The following FTH1 variants were observed in gnomAD, a reference collection of about 807,000 sequenced individuals.
FTH1 encodes the protein ferritin heavy chain 1.
FTH1 carries 3 observed loss-of-function variants against 21.8 expected under a neutral mutation model. The observed-to-expected ratio is 0.14, with a 90% confidence interval of 0.06 to 0.36. The LOEUF is 0.36. FTH1 is among the 10% of genes least tolerant of loss of function. FTH1 has a pLI of 1.00. For synonymous variants in FTH1, 83 were observed against 90.1 expected, an observed-to-expected ratio of 0.92 and a Z score of 0.45; for missense variants, 147 against 225.8, an observed-to-expected ratio of 0.65 and a Z score of 2.24.
chr11:61,967,271 G>A, intron 1 of FTH1, 41 bp downstream of exon 1: 1 of 1,373,088 alleles, frequency 7.3e-7, no homozygotes, highest in Non-Finnish European at 9.9e-7. Flanking sequence ...CCCGGGAACC[G>A]CGCCCGGCCC....
chr11:61,965,607 C>A (rs766553821), intron 1 of FTH1, 92 bp from the exon 2 acceptor site: 1 of 1,413,828 alleles, frequency 7.1e-7, no homozygotes, highest in Non-Finnish European at 9.9e-7. Flanking sequence ...TCTCGTCAGC[C>A]TAGGCTTCCT....
At position 61,964,775 on chromosome 11, in the gene FTH1, T is replaced by C. The variant is rs749302345; in HGVS notation, c.504A>G (p.Glu168=). The change falls in exon 4 of 4, where the codon GAA becomes GAG. Residue 168 remains glutamate, a synonymous_variant. Transcript: ENST00000273550. ...CCAGGGTGTGCTTGTCAAAGAGATA[T>C]TCCGCCAAGCCAGATTCGGGCGCTC... ...KMGAPESGLA[E]YLFDKHTLGD... is the part of the protein sequence containing the mutation. 6.3e-7 allele frequency: 1 copy of C among 1,599,762 alleles called. No individual in the cohort carries two copies. The highest frequency in any genetic ancestry group is 2.2e-5 in the East Asian group (1 of 44,882).
At chr11:61,967,174 C>G (rs1942478970) in intron 1 of FTH1, 138 bp downstream of exon 1, 2 of 472,652 alleles carry the variant, frequency 4.2e-6, no homozygotes, top group Non-Finnish European at 7.4e-6. Context: ...TCCTCGGAAA[C>G]CTCGAGCAGC....
At chr11:61,966,580 T>C (rs1474660303) in intron 1 of FTH1, among the ~76,000 whole-genome samples, 3 of 152,162 alleles carry the variant, frequency 2.0e-5, no homozygotes, top group Non-Finnish European at 2.9e-5. Flanking sequence ...CACTGAAAAA[T>C]TTCTTGCCCA....
rs754761602 is a variant in FTH1, at chr11:61,964,914, G to A, written c.388-23C>T. The A allele has an allele frequency of 2.5e-6, 4 of 1,611,116 alleles. No homozygotes were observed. In the East Asian group the frequency reaches 6.7e-5, roughly 27 times the overall value. ...CAACTGCAAAACAATGGGGAAGACA[G>A]TTAGTGGGCAGCTTTCCCAATCCCT... On this transcript the variant is annotated intron_variant, in intron 3 of 3. Transcript: ENST00000273550.
rs561531161 is a variant in FTH1, at chr11:61,967,494, T to G, written c.-69A>C. ...GGCGCTGGAGCGGCGGCGGGGGCCT[T>G]GGGGCAGTCCGAGGGTGCGGTGAAG... On this transcript the variant is annotated 5_prime_UTR_variant, in exon 1 of 4. Transcript: ENST00000273550. 118 of 1,087,654 alleles carry G rather than the reference T, an allele frequency of 1.1e-4. No homozygotes were observed. In the African/African-American group the frequency reaches 1.7e-3, roughly 16 times the overall value. The allele number at this position is 1,087,654 out of a possible 1,614,324, so 67.4% of individuals were successfully genotyped here.
intron 2 of FTH1, 88 bp downstream of exon 2, chr11:61,965,281 T>C: frequency 2.5e-6 from 4 of 1,597,644 alleles, no homozygotes; most frequent in Non-Finnish European, 3.4e-6. Context: ...ATCATCACTT[T>C]ATAAGGGCAA....
At chr11:61,966,371 T>C (rs1480753556) in intron 1 of FTH1, among the ~76,000 whole-genome samples, 1 of 152,200 alleles carries the variant, frequency 6.6e-6, no homozygotes, top group Non-Finnish European at 1.5e-5. Context: ...ATCACAAAAA[T>C]TTGATTTTCA....
At chr11:61,965,168 C>T in intron 2 of FTH1, 56 bp from the exon 3 acceptor site, 1 of 1,602,068 alleles carries the variant, frequency 6.2e-7, no homozygotes, top group Non-Finnish European at 8.5e-7. Context: ...TCAGCAAGCC[C>T]ATCATCTCTA....
intron 1 of FTH1, among the ~76,000 whole-genome samples, chr11:61,965,756 C>A (rs1212874289): frequency 6.6e-6 from 1 of 152,126 alleles, no homozygotes; most frequent in Admixed American, 6.6e-5. Context: ...CTTCAAGGAA[C>A]CTTTAGGATA....
At chr11:61,965,704 T>A (rs568670997) in intron 1 of FTH1, 189 bp from the exon 2 acceptor site, 606 of 663,216 alleles carry the variant, frequency 9.1e-4, no homozygotes, top group Non-Finnish European at 1.5e-3. Context: ...GTAATGTTTC[T>A]ATTCTAAAAT....
chr11:61,965,712 A>G, intron 1 of FTH1, 197 bp from the exon 2 acceptor site: 1 of 655,176 alleles, frequency 1.5e-6, no homozygotes, highest in Non-Finnish European at 2.7e-6. Context: ...TCTATTCTAA[A>G]ATAGAAAACT....
rs1208418440 is a variant in FTH1, at chr11:61,967,417, G to A, written c.9C>T (p.Thr3=). ...TCTGGCGCACCTGCGAGGTGGACGCGGTCGTCATGGCGGCGACTAAGGAGA... is the reference window on the plus strand; with the variant it reads ...TCTGGCGCACCTGCGAGGTGGACGCAGTCGTCATGGCGGCGACTAAGGAGA... MT[T]ASTSQVRQNY... is the part of the protein sequence containing the mutation. The change falls in exon 1 of 4, where the codon ACC becomes ACT. Residue 3 remains threonine, a synonymous_variant. Transcript: ENST00000273550. The A allele has an allele frequency of 1.9e-6, 3 of 1,599,874 alleles. No homozygotes were observed. Among genetic ancestry groups the A allele is most frequent in the Non-Finnish European group, 2.6e-6 (3 of 1,175,216 alleles).
intron 1 of FTH1, among the ~76,000 whole-genome samples, chr11:61,966,330 G>A (rs1942461134): frequency 6.6e-6 from 1 of 152,204 alleles, no homozygotes; most frequent in South Asian, 2.1e-4. Context: ...TGGACAGTAT[G>A]TTGATGTAAA....
chr11:61,964,300 C>A lies in FTH1; in HGVS notation c.*427G>T. 1 of 1,210,258 alleles carries A rather than the reference C, an allele frequency of 8.3e-7. No individual in the cohort carries two copies. Among genetic ancestry groups the A allele is most frequent in the Non-Finnish European group, 1.1e-6 (1 of 879,672 alleles). The allele number at this position is 1,210,258 out of a possible 1,614,324, so 75.0% of individuals were successfully genotyped here. On this transcript the variant is annotated 3_prime_UTR_variant, in exon 4 of 4. Transcript: ENST00000273550. The stretch of plus-strand genomic sequence containing the variant: ...CCCAGACTACTTCAGCCTTTAATGC[C>A]TTTTATTCATAAAAACTGTGAAAGC...
At chr11:61,966,820 C>T (rs1942471456) in intron 1 of FTH1, among the ~76,000 whole-genome samples, 1 of 152,152 alleles carries the variant, frequency 6.6e-6, no homozygotes, top group Non-Finnish European at 1.5e-5. Flanking sequence ...AGGGATCTAC[C>T]CACAAGATAA....
At chr11:61,965,847 T>C (rs1288072934) in intron 1 of FTH1, among the ~76,000 whole-genome samples, 1 of 152,216 alleles carries the variant, frequency 6.6e-6, no homozygotes, top group African/African-American at 2.4e-5. Flanking sequence ...GAATTCATTG[T>C]CTGATGAGAG....
At chr11:61,966,065 CA>C (rs2134487771) in intron 1 of FTH1, among the ~76,000 whole-genome samples, 2 of 152,210 alleles carry the variant, frequency 1.3e-5, no homozygotes, top group South Asian at 4.1e-4. Context: ...ACGAGGTCAG[CA>C]GATCGAGACC....
At chr11:61,965,274 A>G in intron 2 of FTH1, 95 bp downstream of exon 2, 2 of 1,597,746 alleles carry the variant, frequency 1.3e-6, no homozygotes, top group Non-Finnish European at 1.7e-6. Context: ...CCAGTGTATC[A>G]TCACTTTATA....
Sources: allele counts gnomAD v4.1 joint callset (sites outside exome capture counted in the v4.1 genomes callset), GRCh38; gene constraint gnomAD v4.1.1; transcripts MANE v1.5; gene names NCBI Gene and HGNC (gene_info 2026-07-23, HGNC 2026-07-21).